CDKL2: variants seen among roughly 807,000 people sequenced by gnomAD.
CDKL2 encodes cyclin dependent kinase like 2.
A neutral mutation model predicts 63.9 loss-of-function variants in CDKL2; 64 were observed. That is an observed-to-expected ratio of 1.00 (90% confidence interval 0.82 to 1.23). The LOEUF (loss-of-function observed/expected upper bound fraction) is 1.23. CDKL2 is among the 50% of genes most tolerant of loss of function. The pLI is 0.00. For synonymous variants in CDKL2, 211 were observed against 229.2 expected, an observed-to-expected ratio of 0.92 and a Z score of 0.72; for missense variants, 656 against 668.0, an observed-to-expected ratio of 0.98 and a Z score of 0.20.
rs143385852 is a variant in CDKL2, at chr4:75,580,146, C to A, written c.*24-968G>T. On this transcript the variant is annotated intron_variant, in intron 13 of 13. Transcript: ENST00000307465. Reference sequence around the variant, plus strand: ...AATTAGCTGGGCGTGGTGGCACACACCTGTGATCCCAGCTACTCAGGAGGC... The same window carrying A: ...AATTAGCTGGGCGTGGTGGCACACAACTGTGATCCCAGCTACTCAGGAGGC... Among the ~76,000 whole-genome samples the A allele has an allele frequency of 9.0e-3, 1,375 of 152,164 alleles. 21 individuals are homozygous for A. Among genetic ancestry groups the A allele is most frequent in the Non-Finnish European group, 0.011 (767 of 68,018 alleles).
chr4:75,624,329 A>T (rs1730301575), intron 2 of CDKL2, among the ~76,000 whole-genome samples: 1 of 151,936 alleles, frequency 6.6e-6, no homozygotes, highest in South Asian at 2.1e-4. Context: ...AGGTAGGAGG[A>T]TTACTTTAGC....
In CDKL2 at chr4:75,578,643, T is replaced by C. The variant is rs138706052; in HGVS notation, c.*559A>G. The C allele has an allele frequency of 1.0e-3, 158 of 152,540 alleles. No homozygotes were observed. Among genetic ancestry groups the C allele is most frequent in the African/African-American group, 3.4e-3 (142 of 41,566 alleles). The allele number at this position is 152,540 out of a possible 1,614,324, so 9.4% of individuals were successfully genotyped here. On this transcript the variant is annotated 3_prime_UTR_variant, in exon 14 of 14. Transcript: ENST00000307465. ...GAAACGTGTAAGATTGTTAAGTGTG[T>C]TTTCATAGTTAAATTCAGGTAAAGC... is the stretch of plus-strand genomic sequence containing the variant.
intron 6 of CDKL2, among the ~76,000 whole-genome samples, chr4:75,603,447 G>A (rs1041165630): frequency 6.6e-6 from 1 of 151,230 alleles, no homozygotes; most frequent in Non-Finnish European, 1.5e-5. Context: ...AGATCAACTA[G>A]AGGCCAGGGC....
chr4:75,592,363 T>A (rs986790563), intron 10 of CDKL2, 94 bp from the exon 11 acceptor site: 70 of 1,107,690 alleles, frequency 6.3e-5, no homozygotes, highest in Non-Finnish European at 7.3e-5. Context: ...ATCCTAAAAT[T>A]TGTGAAATTG....
chr4:75,591,358 A>ATTCT (rs1728707327), intron 12 of CDKL2, among the ~76,000 whole-genome samples: 2 of 152,228 alleles, frequency 1.3e-5, no homozygotes, highest in Non-Finnish European at 2.9e-5. Context: ...CACTTTGGGA[A>ATTCT]GCTAAAGCAG....
rs1449065651 is a variant in CDKL2 at position 75,576,757 on chromosome 4, T to TC, written c.*2444_*2445insG. 6.6e-6 allele frequency among the ~76,000 whole-genome samples: 1 copy of TC among 152,198 alleles called. No individual in the cohort carries two copies. Among genetic ancestry groups the TC allele is most frequent in the East Asian group, 1.9e-4 (1 of 5,202 alleles). On this transcript the variant is annotated 3_prime_UTR_variant, in exon 14 of 14. Coordinates refer to ENST00000307465, the MANE Select transcript of CDKL2 (RefSeq NM_001330724.2). Reference sequence around the variant, plus strand: ...ATAGTGTATTACAGGTCCAGCCTTATATTGTAGCACAACTAAGATAAAGGA... The same window carrying TC: ...ATAGTGTATTACAGGTCCAGCCTTATCATTGTAGCACAACTAAGATAAAGGA...
At position 75,578,281 on chromosome 4, in the gene CDKL2, C is replaced by G. The variant is rs897186594; in HGVS notation, c.*921G>C. The G allele has an allele frequency of 6.6e-6, 1 of 152,106 alleles. No individual in the cohort carries two copies. Among genetic ancestry groups the G allele is most frequent in the African/African-American group, 2.4e-5 (1 of 41,408 alleles). 9.4% of individuals were successfully genotyped at this position (152,106 alleles called of 1,614,324 possible). A position where few individuals can be genotyped will look rare whatever the true frequency, so the allele number is the denominator to read the frequency against. ...GTATCACCCTTAAACTACCAGGGGA[C>G]AAAAGTGGAGTCCATAATAATGAAC... On this transcript the variant is annotated 3_prime_UTR_variant, in exon 14 of 14. Transcript: ENST00000307465.
rs774075055 is a variant in CDKL2, at chr4:75,597,091, A to C, written c.1166T>G (p.Val389Gly). Residue 389 changes from valine to glycine, a missense_variant, in exon 9 of 14, where the codon GTG (valine) becomes GGG (glycine). By Grantham distance (109) the Val-to-Gly change is moderately radical (BLOSUM62 -3). Coordinates refer to ENST00000307465, the MANE Select transcript of CDKL2 (RefSeq NM_001330724.2). ...GCAGTCTTTGAGGCTTGTTGAAGGC[A>C]CTATTTTGTTGTGGCTTGTCCTACT... is the stretch of plus-strand genomic sequence containing the variant. ...HDSRTSHNKI[V>G]PSTSLKDCSN... is the part of the protein sequence containing the mutation. The C allele has an allele frequency of 1.2e-6, 2 of 1,614,114 alleles. No homozygotes were observed. Among genetic ancestry groups the C allele is most frequent in the South Asian group, 2.2e-5 (2 of 91,078 alleles).
chr4:75,581,881 CA>C lies in CDKL2; in HGVS notation c.1664del (p.Leu555ArgfsTer66), dbSNP rs1274029572. On this transcript the variant is annotated frameshift_variant, in exon 13 of 14. Coordinates refer to ENST00000307465, the MANE Select transcript of CDKL2 (RefSeq NM_001330724.2). LOFTEE classifies it high-confidence loss of function. ...GCAAATCAGCCCCTGAATCATCTGA[CA>C]GGGGAGGTCCTGATACCTATAAATT... ...ITLHQVSGPPLSDDSGADLPQ... is the reference protein window; with the variant it reads ...ITLHQVSGPPXSDDSGADLPQ... 1 of 1,612,020 alleles carries C rather than the reference CA, an allele frequency of 6.2e-7. No individual in the cohort carries two copies. Among genetic ancestry groups the C allele is most frequent in the African/African-American group, 1.3e-5 (1 of 74,882 alleles).
intron 6 of CDKL2, 90 bp from the exon 7 acceptor site, chr4:75,600,459 C>A (rs1729136916): frequency 1.2e-6 from 1 of 858,800 alleles, no homozygotes; most frequent in African/African-American, 1.7e-5. Context: ...TCTTTATAGT[C>A]AACGATTTTT....
chr4:75,600,452 T>G (rs1729136219), intron 6 of CDKL2, 83 bp from the exon 7 acceptor site: 4 of 948,032 alleles, frequency 4.2e-6, no homozygotes, highest in Non-Finnish European at 6.4e-6. Context: ...AAAATCCTCT[T>G]TATAGTCAAC....
intron 2 of CDKL2, among the ~76,000 whole-genome samples, chr4:75,620,863 T>C (rs958343465): frequency 3.3e-5 from 5 of 151,968 alleles, no homozygotes; most frequent in African/African-American, 1.2e-4. Flanking sequence ...TAGTAGCTGA[T>C]ATGAATCTTA....
intron 5 of CDKL2, 126 bp from the exon 6 acceptor site, chr4:75,604,082 G>T: frequency 1.2e-6 from 1 of 853,780 alleles, no homozygotes; most frequent in Non-Finnish European, 1.8e-6. Flanking sequence ...CTCTCAACAT[G>T]CAAAATTGAC....
At chr4:75,607,545 A>C (rs942273377) in intron 3 of CDKL2, among the ~76,000 whole-genome samples, 184 bp from the exon 4 acceptor site, 1 of 152,212 alleles carries the variant, frequency 6.6e-6, no homozygotes, top group Non-Finnish European at 1.5e-5. Flanking sequence ...TTGAAATTTT[A>C]TTTAAACAAT....
At chr4:75,591,676 CA>C (rs1451293733) in intron 12 of CDKL2, 142 bp downstream of exon 12, 11 of 568,336 alleles carry the variant, frequency 1.9e-5, no homozygotes, top group Non-Finnish European at 2.8e-5. Flanking sequence ...TGCAATGAAT[CA>C]AACAACATTT....
chr4:75,604,292 C>T lies in CDKL2; in HGVS notation c.656-336G>A, dbSNP rs1049887648. On this transcript the variant is annotated intron_variant, in intron 5 of 13. Transcript: ENST00000307465. The stretch of plus-strand genomic sequence containing the variant: ...TCTAATCTAGATAAATCAGTTCTCC[C>T]CTTTAAGAATTTAATATTTGGTCAA... 9.2e-5 allele frequency among the ~76,000 whole-genome samples: 14 copies of T among 152,164 alleles called. No individual in the cohort carries two copies. The East Asian group carries it at 1.9e-3, about 21-fold the overall frequency.
chr4:75,614,031 TG>T (rs916628822), intron 3 of CDKL2, among the ~76,000 whole-genome samples: 69 of 152,156 alleles, frequency 4.5e-4, no homozygotes, highest in African/African-American at 1.5e-3. Flanking sequence ...CACTCCAGCC[TG>T]GGCGAAAGAG....
chr4:75,629,743 C>T (rs1374101722), intron 1 of CDKL2, among the ~76,000 whole-genome samples: 1 of 151,932 alleles, frequency 6.6e-6, no homozygotes, highest in Non-Finnish European at 1.5e-5. Context: ...AGTTCGAGAC[C>T]AGCCTAACCA....
chr4:75,592,251 G>C lies in CDKL2; in HGVS notation c.1435C>G (p.Leu479Val). Residue 479 changes from leucine (L) to valine (V), a missense_variant, in exon 11 of 14, where the codon CTC becomes GTC. Coordinates refer to ENST00000307465, the MANE Select transcript of CDKL2 (RefSeq NM_001330724.2). ...VTTLVSSEKN[L>V]FWASKKRREY... ...CTTCTTTTCTTACTTGCCCAAAAGAGGTTTTTTTCACTAGAGACCTAATAT... is the reference window on the plus strand; with the variant it reads ...CTTCTTTTCTTACTTGCCCAAAAGACGTTTTTTTCACTAGAGACCTAATAT... The C allele has an allele frequency of 6.5e-7, 1 of 1,531,812 alleles. No homozygotes were observed. The highest frequency in any genetic ancestry group is 8.7e-7 in the Non-Finnish European group (1 of 1,145,680). The allele number at this position is 1,531,812 out of a possible 1,614,324, so 94.9% of individuals were successfully genotyped here.
Sources: allele counts gnomAD v4.1 joint callset (sites outside exome capture counted in the v4.1 genomes callset), GRCh38; gene constraint gnomAD v4.1.1; transcripts MANE v1.5; gene names NCBI Gene and HGNC (gene_info 2026-07-23, HGNC 2026-07-21).